MAN1A1: variants seen among roughly 807,000 people sequenced by gnomAD.
The protein encoded by MAN1A1 is mannosyl-oligosaccharide 1,2-alpha-mannosidase IA.
MAN1A1 carries 29 observed loss-of-function variants against 70.8 expected under a neutral mutation model. The observed-to-expected ratio is 0.41, with a 90% CI of 0.31 to 0.56. The LOEUF is 0.56. Among genes scored for constraint, MAN1A1 ranks in the 20% least tolerant of loss-of-function variants. The pLI is 0.29. For synonymous variants in MAN1A1, 349 were observed against 330.1 expected (o/e 1.06, Z -0.62); for missense variants, 747 against 841.3 (o/e 0.89, Z 1.39).
At chr6:119,264,345 ATACTT>A (rs1484592497) in intron 5 of MAN1A1, among the ~76,000 whole-genome samples, 6 of 152,240 alleles carry the variant, frequency 3.9e-5, no homozygotes, top group African/African-American at 1.4e-4. Flanking sequence ...ATTGGAAACA[ATACTT>A]TAATCAAAAT....
chr6:119,243,510 T>C (rs1364958395), intron 6 of MAN1A1, among the ~76,000 whole-genome samples: 2 of 152,080 alleles, frequency 1.3e-5, no homozygotes, highest in African/African-American at 4.8e-5. Context: ...TAACCAACTA[T>C]AATGTAATAT....
intron 5 of MAN1A1, among the ~76,000 whole-genome samples, chr6:119,267,331 T>C (rs898876715): frequency 1.8e-4 from 24 of 136,346 alleles, no homozygotes; most frequent in Middle Eastern, 3.6e-3. Flanking sequence ...TATTTACATG[T>C]ACATGTTTGA....
At chr6:119,318,136 C>G (rs1222132352) in intron 2 of MAN1A1, among the ~76,000 whole-genome samples, 2 of 152,152 alleles carry the variant, frequency 1.3e-5, no homozygotes, top group Non-Finnish European at 2.9e-5. Context: ...GGAGTAGCAA[C>G]TAGTGATTCC....
chr6:119,235,635 C>A (rs141144313), intron 6 of MAN1A1, among the ~76,000 whole-genome samples: 12 of 152,304 alleles, frequency 7.9e-5, no homozygotes, highest in Admixed American at 6.5e-4. Context: ...GACTACCGCA[C>A]TAAAATGTGT....
intron 5 of MAN1A1, among the ~76,000 whole-genome samples, chr6:119,260,390 T>C (rs184175747): frequency 1.3e-5 from 2 of 152,352 alleles, no homozygotes; most frequent in East Asian, 3.9e-4. Flanking sequence ...AGTCAATATT[T>C]AGGTTTCCCT....
intron 2 of MAN1A1, among the ~76,000 whole-genome samples, chr6:119,346,550 A>C (rs1773734544): frequency 6.6e-6 from 1 of 152,212 alleles, no homozygotes; most frequent in Non-Finnish European, 1.5e-5. Flanking sequence ...AGACTACGTA[A>C]ATCTCGTTTA....
At chr6:119,349,784 C>T (rs115490458), upstream of MAN1A1, 8,343 of 982,304 alleles carry the variant, frequency 8.5e-3, 325 homozygotes, top group African/African-American at 0.1. Flanking sequence ...GGTCTTGGGG[C>T]GGTGGAAAGC....
At chr6:119,313,614 A>T (rs1464607628) in intron 2 of MAN1A1, among the ~76,000 whole-genome samples, 3 of 151,976 alleles carry the variant, frequency 2.0e-5, no homozygotes, top group Non-Finnish European at 4.4e-5. Context: ...ATAAAGCAGT[A>T]CTGCCAGATT....
At chr6:119,287,044 G>A (rs1562226517) in intron 5 of MAN1A1, among the ~76,000 whole-genome samples, 1 of 152,020 alleles carries the variant, frequency 6.6e-6, no homozygotes, top group African/African-American at 2.4e-5. Context: ...AAACTTTGAG[G>A]AAGACTTCTA....
At chr6:119,316,808 A>T (rs1270853693) in intron 2 of MAN1A1, among the ~76,000 whole-genome samples, 2 of 152,056 alleles carry the variant, frequency 1.3e-5, no homozygotes, top group African/African-American at 4.8e-5. Context: ...AAATACTATG[A>T]GGTTATCACT....
intron 5 of MAN1A1, among the ~76,000 whole-genome samples, chr6:119,252,693 G>A (rs1041767275): frequency 6.6e-6 from 1 of 152,172 alleles, no homozygotes; most frequent in Non-Finnish European, 1.5e-5. Flanking sequence ...TTGGGAGGCT[G>A]AGGCAGCAAA....
intron 5 of MAN1A1, among the ~76,000 whole-genome samples, chr6:119,270,122 C>A (rs1014136898): frequency 4.6e-5 from 7 of 152,074 alleles, no homozygotes; most frequent in Non-Finnish European, 1.0e-4. Flanking sequence ...TCTTTGTTAC[C>A]TGGTTTGATA....
At chr6:119,199,083 C>T (rs926285028) in intron 8 of MAN1A1, among the ~76,000 whole-genome samples, 1 of 152,156 alleles carries the variant, frequency 6.6e-6, no homozygotes, top group Non-Finnish European at 1.5e-5. Flanking sequence ...CTGAACTATG[C>T]AGATCTTTCA....
intron 5 of MAN1A1, among the ~76,000 whole-genome samples, chr6:119,262,354 A>G (rs1247334962): frequency 6.6e-6 from 1 of 152,218 alleles, no homozygotes; most frequent in Admixed American, 6.5e-5. Flanking sequence ...CAGTGATAAT[A>G]AAAACAAATA....
intron 5 of MAN1A1, among the ~76,000 whole-genome samples, chr6:119,280,690 T>A (rs17442596): frequency 0.065 from 9,884 of 152,178 alleles, 350 homozygotes; most frequent in Middle Eastern, 0.078. Context: ...CTGAAAAAAA[T>A]AACTTTTGTT....
intron 5 of MAN1A1, among the ~76,000 whole-genome samples, chr6:119,262,101 G>C (rs527645907): frequency 2.2e-3 from 328 of 152,282 alleles, no homozygotes; most frequent in Middle Eastern, 3.4e-3. Context: ...ACCAAACACC[G>C]GCTGTCTATA....
intron 11 of MAN1A1, among the ~76,000 whole-genome samples, chr6:119,185,270 C>G (rs1184458917): frequency 1.3e-5 from 2 of 152,130 alleles, no homozygotes; most frequent in Non-Finnish European, 2.9e-5. Context: ...TGCTTGAACA[C>G]CTGTGATTAA....
intron 2 of MAN1A1, among the ~76,000 whole-genome samples, chr6:119,318,699 T>C (rs543271759): frequency 2.0e-5 from 3 of 152,314 alleles, no homozygotes; most frequent in African/African-American, 7.2e-5. Flanking sequence ...AGTGAAAATA[T>C]GAGTATCTCT....
chr6:119,191,507 C>T (rs186413813), intron 9 of MAN1A1, among the ~76,000 whole-genome samples: 2 of 152,118 alleles, frequency 1.3e-5, no homozygotes, highest in Admixed American at 1.3e-4. Flanking sequence ...TTTAGTAGAT[C>T]TGAAAAAACT....
Sources: allele counts gnomAD v4.1 joint callset (sites outside exome capture counted in the v4.1 genomes callset), GRCh38; gene constraint gnomAD v4.1.1; transcripts MANE v1.5; gene names NCBI Gene and HGNC (gene_info 2026-07-23, HGNC 2026-07-21).